Variants in DCDC1 observed in about 807,000 individuals in gnomAD.
DCDC1 encodes the protein doublecortin domain containing 1, also known as doublecortin domain-containing protein 1.
A neutral mutation model predicts 178.3 loss-of-function variants in DCDC1; 200 were observed. The ratio of observed to expected loss-of-function variants is 1.12; its 90% confidence interval spans 1.00 to 1.26. DCDC1 has a LOEUF of 1.26. Ranked by LOEUF, DCDC1 falls within the 50% of genes most tolerant of loss-of-function variation. The pLI is 0.00. For synonymous variants in DCDC1, 690 were observed against 604.8 expected (o/e 1.14, Z -2.07); for missense variants, 1,983 against 1,749.2 (o/e 1.13, Z -2.38).
chr11:31,161,065 T>C (rs1966278405), intron 9 of DCDC1, among the ~76,000 whole-genome samples: 1 of 152,172 alleles, frequency 6.6e-6, no homozygotes, highest in Non-Finnish European at 1.5e-5. Flanking sequence ...CTTTCCCTCT[T>C]TCTTAGCTAT....
intron 17 of DCDC1, among the ~76,000 whole-genome samples, chr11:31,090,066 C>T (rs1042446108): frequency 1.3e-5 from 2 of 152,136 alleles, no homozygotes; most frequent in African/African-American, 4.8e-5. Flanking sequence ...ACTCATTTTG[C>T]TTCAGAAATC....
intron 20 of DCDC1, among the ~76,000 whole-genome samples, chr11:31,044,904 G>A (rs1339085014): frequency 2.0e-5 from 3 of 152,154 alleles, no homozygotes; most frequent in Non-Finnish European, 4.4e-5. Flanking sequence ...GGCAGTTATT[G>A]CTACAATACC....
At chr11:30,899,440 C>G (rs923694062) in intron 34 of DCDC1, 101 bp downstream of exon 34, 14 of 584,280 alleles carry the variant, frequency 2.4e-5, no homozygotes, top group Non-Finnish European at 3.8e-5. Flanking sequence ...TTATATAGTA[C>G]TCTTTAAACA....
At chr11:31,102,326 G>T in intron 14 of DCDC1, 44 bp from the exon 15 acceptor site, 1 of 619,654 alleles carries the variant, frequency 1.6e-6, no homozygotes, top group African/African-American at 1.8e-5. Context: ...AGAATAATAT[G>T]CATTTAATTA....
At chr11:31,251,716 C>G (rs1944048238) in intron 8 of DCDC1, among the ~76,000 whole-genome samples, 1 of 151,806 alleles carries the variant, frequency 6.6e-6, no homozygotes, top group Non-Finnish European at 1.5e-5. Flanking sequence ...GGAATAGGAG[C>G]AAGAGAGAGT....
At position 31,328,147 on chromosome 11, in the gene DCDC1, A is replaced by G; in HGVS notation, c.134T>C (p.Ile45Thr). ...GTLDGNTVNP[I>T]YKYILNDLPR... ...TAAATCATTCAAAATATATTTGTAAATTGGGTTTACAGTATTCCCATCCAA... is the reference window on the plus strand; with the variant it reads ...TAAATCATTCAAAATATATTTGTAAGTTGGGTTTACAGTATTCCCATCCAA... Residue 45 changes from isoleucine to threonine, a missense_variant, in exon 3 of 39, where the codon ATT (isoleucine) becomes ACT (threonine). Coordinates refer to ENST00000684477, the MANE Select transcript of DCDC1 (RefSeq NM_001387274.1). The G allele has an allele frequency of 1.2e-6, 2 of 1,606,854 alleles. No individual in the cohort carries two copies. The highest frequency in any genetic ancestry group is 1.7e-6 in the Non-Finnish European group (2 of 1,176,246).
intron 1 of DCDC1, among the ~76,000 whole-genome samples, chr11:31,341,838 C>CACACACACAT (rs1057061690): frequency 1.3e-5 from 2 of 151,846 alleles, no homozygotes; most frequent in African/African-American, 4.8e-5. Flanking sequence ...CACACACACA[C>CACACACACAT]ACACACATTT....
chr11:30,884,057 G>A (rs1384839201), intron 36 of DCDC1, among the ~76,000 whole-genome samples: 1 of 14,966 alleles, frequency 6.7e-5, no homozygotes, highest in Admixed American at 6.5e-4. Context: ...TTGAGACAGG[G>A]TCTCACTCTG....
At chr11:31,062,935 A>C (rs1183112171) in intron 20 of DCDC1, among the ~76,000 whole-genome samples, 1 of 132,928 alleles carries the variant, frequency 7.5e-6, no homozygotes, top group Non-Finnish European at 1.6e-5. Flanking sequence ...TCCTAATGTT[A>C]TCCCTCCCCC....
chr11:31,111,605 AG>A (rs1210012611), intron 11 of DCDC1, among the ~76,000 whole-genome samples: 1 of 152,186 alleles, frequency 6.6e-6, no homozygotes, highest in Non-Finnish European at 1.5e-5. Context: ...TACTTTTCCA[AG>A]GAAACTGGTA....
intron 9 of DCDC1, among the ~76,000 whole-genome samples, chr11:31,142,117 G>T (rs1963893077): frequency 6.6e-6 from 1 of 152,196 alleles, no homozygotes; most frequent in African/African-American, 2.4e-5. Context: ...GTGGCTGCTG[G>T]GAGAGTGGGG....
intron 20 of DCDC1, among the ~76,000 whole-genome samples, chr11:30,996,289 A>G (rs1951265168): frequency 6.6e-6 from 1 of 152,196 alleles, no homozygotes; most frequent in Non-Finnish European, 1.5e-5. Context: ...TGCTGATACC[A>G]AGGGCTATAG....
At chr11:31,204,546 T>C (rs955311115) in intron 9 of DCDC1, among the ~76,000 whole-genome samples, 1 of 151,992 alleles carries the variant, frequency 6.6e-6, no homozygotes, top group Non-Finnish European at 1.5e-5. Flanking sequence ...AAACAAATGA[T>C]AGCCGGGGGC....
chr11:30,870,589 A>C (rs533793664), intron 38 of DCDC1, among the ~76,000 whole-genome samples: 1 of 152,316 alleles, frequency 6.6e-6, no homozygotes, highest in South Asian at 2.1e-4. Flanking sequence ...TTGACACTGG[A>C]ATTGATTTGA....
intron 8 of DCDC1, among the ~76,000 whole-genome samples, chr11:31,264,718 G>T (rs931986052): frequency 1.3e-5 from 2 of 152,186 alleles, no homozygotes; most frequent in Non-Finnish European, 2.9e-5. Context: ...CCTAGTGAGT[G>T]AATTTCTCTA....
At chr11:31,358,597 T>C (rs1443000472) in intron 1 of DCDC1, among the ~76,000 whole-genome samples, 1 of 151,922 alleles carries the variant, frequency 6.6e-6, no homozygotes, top group Non-Finnish European at 1.5e-5. Context: ...TGGGATCTCA[T>C]TAAACTAAAG....
chr11:30,950,614 T>C (rs561030976), intron 21 of DCDC1, among the ~76,000 whole-genome samples: 1 of 152,212 alleles, frequency 6.6e-6, no homozygotes, highest in South Asian at 2.1e-4. Context: ...AGACAAATAT[T>C]GTATGTTTTC....
intron 34 of DCDC1, among the ~76,000 whole-genome samples, chr11:30,896,636 ACTGATCATTTAGC>A (rs1379879367): frequency 1.3e-5 from 2 of 152,186 alleles, no homozygotes; most frequent in Non-Finnish European, 2.9e-5. Flanking sequence ...TACATGTAAC[ACTGATCATTTAGC>A]CTGATCTGCC....
At chr11:31,209,886 A>G (rs2136513114) in intron 9 of DCDC1, among the ~76,000 whole-genome samples, 1 of 152,318 alleles carries the variant, frequency 6.6e-6, no homozygotes, top group Middle Eastern at 3.4e-3. Context: ...AAGGAAAGTA[A>G]AAGAAAGAGG....
Sources: gnomAD v4.1 joint callset for allele counts (sites outside exome capture counted in the v4.1 genomes callset) on GRCh38, gnomAD v4.1.1 for gene constraint, MANE v1.5 for transcripts, NCBI Gene and HGNC (gene_info 2026-07-23, HGNC 2026-07-21) for gene names.